Variants in TCF12 observed in about 807,000 individuals in gnomAD.
TCF12 encodes the protein DNA-binding protein HTF4.
TCF12 carries 45 observed loss-of-function variants against 86.0 expected under a neutral mutation model. The observed-to-expected ratio is 0.52, with a 90% CI of 0.41 to 0.67. The LOEUF is 0.67. TCF12 is among the 30% of genes least tolerant of loss of function. TCF12 has a pLI of 0.00. For missense variants in TCF12, 881 were observed against 859.9 expected, an observed-to-expected ratio of 1.02 and a Z score of -0.31; for synonymous variants, 330 against 299.6, an observed-to-expected ratio of 1.10 and a Z score of -1.05.
At chr15:57,274,600 A>C (rs1263507478) in intron 19 of TCF12, among the ~76,000 whole-genome samples, 1 of 151,860 alleles carries the variant, frequency 6.6e-6, no homozygotes, top group Non-Finnish European at 1.5e-5. Flanking sequence ...TTTTTTCTTG[A>C]ATTGTGTCTG....
At chr15:57,182,906 T>C (rs1275714159) in intron 6 of TCF12, among the ~76,000 whole-genome samples, 1 of 152,188 alleles carries the variant, frequency 6.6e-6, no homozygotes, top group Admixed American at 6.5e-5. Context: ...TTACATGTTT[T>C]CAAGTTAACA....
intron 3 of TCF12, among the ~76,000 whole-genome samples, chr15:57,007,897 CCTTCCTTCCTTCCTTCCTCT>C (rs2064549672): frequency 1.3e-5 from 1 of 78,654 alleles, no homozygotes; most frequent in Non-Finnish European, 2.5e-5. Context: ...TTCCTTCCTT[CCTTCCTTCCTTCCTTCCTCT>C]TTCTTTGTTT....
At chr15:57,063,149 T>A (rs2068591210) in intron 3 of TCF12, among the ~76,000 whole-genome samples, 1 of 152,222 alleles carries the variant, frequency 6.6e-6, no homozygotes, top group Admixed American at 6.5e-5. Context: ...GAAATCAAAT[T>A]GTGTATAATT....
rs1303724420 is a variant in TCF12 at position 57,063,731 on chromosome 15, T to G, written c.149-19T>G. The G allele has an allele frequency of 6.3e-7, 1 of 1,588,160 alleles. No homozygotes were observed. The highest frequency in any genetic ancestry group is 8.6e-7 in the Non-Finnish European group (1 of 1,160,458). On this transcript the variant is annotated intron_variant, in intron 3 of 20. Transcript: ENST00000333725. ...AAAGTATGTTTTTAGATATATCTTT[T>G]ATTTTCTTCTCTTTTTAGGTATTGA...
rs562156544 is a variant in TCF12, at chr15:57,134,697, G to A, written c.326-31705G>A. ...TGCCAGAAATGGCTTATATGAATCA[G>A]ATACAATTAAGACTTCAAGATTTAA... is the stretch of plus-strand genomic sequence containing the variant. On this transcript the variant is annotated intron_variant, in intron 5 of 20. Transcript: ENST00000333725. 2.0e-5 allele frequency among the ~76,000 whole-genome samples: 3 copies of A among 152,162 alleles called. No individual in the cohort carries two copies. The East Asian group carries it at 5.8e-4, about 29-fold the overall frequency.
In TCF12 at chr15:57,272,743, G is replaced by A. The variant is rs867721899; in HGVS notation, c.1746-287G>A. ...CAAGGTGCTAAAATATTATGTAGTT[G>A]TTGATCTTATATTTATGAAGAGTTT... On this transcript the variant is annotated intron_variant, in intron 18 of 20. Coordinates refer to ENST00000333725, the MANE Select transcript of TCF12 (RefSeq NM_207037.2). Among the ~76,000 whole-genome samples, 17 of 152,288 alleles carry A rather than the reference G, an allele frequency of 1.1e-4. No individual in the cohort carries two copies. The Middle Eastern group carries it at 0.014, about 122-fold the overall frequency.
intron 5 of TCF12, among the ~76,000 whole-genome samples, chr15:57,137,771 G>A (rs1183611465): frequency 2.0e-5 from 3 of 152,160 alleles, no homozygotes; most frequent in Admixed American, 6.5e-5. Flanking sequence ...GCTCATGCCC[G>A]TAATCCCAGC....
chr15:57,208,322 G>A (rs1220494172), intron 8 of TCF12, among the ~76,000 whole-genome samples: 6 of 149,508 alleles, frequency 4.0e-5, no homozygotes, highest in East Asian at 2.0e-4. Flanking sequence ...GTGAGCCACC[G>A]CCCCTGGCCA....
At chr15:57,158,188 CT>C (rs1187472686) in intron 5 of TCF12, among the ~76,000 whole-genome samples, 22 of 139,264 alleles carry the variant, frequency 1.6e-4, no homozygotes, top group Admixed American at 2.8e-4. Context: ...AAAGTCGTTT[CT>C]TTTTTTTTTT....
intron 3 of TCF12, among the ~76,000 whole-genome samples, chr15:56,976,884 C>G (rs1474072683): frequency 6.6e-6 from 1 of 152,046 alleles, no homozygotes; most frequent in African/African-American, 2.4e-5. Context: ...TTTCTTCCTC[C>G]CTCCACAAAA....
intron 3 of TCF12, among the ~76,000 whole-genome samples, chr15:56,938,769 T>C (rs968087355): frequency 2.0e-5 from 3 of 151,660 alleles, no homozygotes; most frequent in Admixed American, 6.6e-5. Context: ...CCTATCTCCA[T>C]TGGGGATCCA....
chr15:57,234,567 G>A lies in TCF12; in HGVS notation c.1035+460G>A, dbSNP rs144807139. On this transcript the variant is annotated intron_variant, in intron 12 of 20. Coordinates refer to ENST00000333725, the MANE Select transcript of TCF12 (RefSeq NM_207037.2). ...AAATGAGAGCCTTCTCCCCAAAAAA[G>A]CCAGATTCATTGAAGAATCATGTTA... 2.5e-3 allele frequency among the ~76,000 whole-genome samples: 378 copies of A among 152,152 alleles called. 1 individual carries two copies. Among genetic ancestry groups the A allele is most frequent in the Middle Eastern group, 0.01 (3 of 294 alleles).
chr15:57,187,758 C>T (rs150665077), intron 6 of TCF12, among the ~76,000 whole-genome samples: 1,753 of 152,010 alleles, frequency 0.012, 29 homozygotes, highest in African/African-American at 0.039. Flanking sequence ...GGTGAAACCC[C>T]ATCTCTATGA....
intron 13 of TCF12, chr15:57,251,105 A>G (rs187538600): frequency 7.7e-4 from 303 of 395,848 alleles, no homozygotes; most frequent in Non-Finnish European, 2.7e-4. Context: ...GTGCAAACAT[A>G]AAGGTAGCTG....
chr15:57,164,661 C>T (rs2054740469), intron 5 of TCF12, among the ~76,000 whole-genome samples: 1 of 151,962 alleles, frequency 6.6e-6, no homozygotes. Flanking sequence ...TGGGTATAGT[C>T]ACAATAAGAA....
At chr15:57,087,916 G>C (rs568255600) in intron 4 of TCF12, among the ~76,000 whole-genome samples, 4 of 152,060 alleles carry the variant, frequency 2.6e-5, no homozygotes, top group Non-Finnish European at 5.9e-5. Context: ...AAAAAATCTC[G>C]TTTATCTTAG....
chr15:56,986,192 C>A (rs1327742605), intron 3 of TCF12, among the ~76,000 whole-genome samples: 2 of 152,064 alleles, frequency 1.3e-5, no homozygotes, highest in East Asian at 1.9e-4. Flanking sequence ...AACCAGCAGT[C>A]TGTGTTGGTT....
intron 16 of TCF12, among the ~76,000 whole-genome samples, chr15:57,257,660 CT>C (rs1197563374): frequency 4.7e-3 from 18 of 3,804 alleles, no homozygotes; most frequent in African/African-American, 0.011. Context: ...GACCCTGTCT[CT>C]TAAAAAAAAA....
downstream of TCF12, chr15:57,290,955 C>T (rs1350802240): frequency 2.0e-5 from 3 of 152,134 alleles, no homozygotes; most frequent in Admixed American, 2.0e-4. Context: ...TCTCATTGGG[C>T]CAATGAGTCT....
Sources: gnomAD v4.1 joint callset for allele counts (sites outside exome capture counted in the v4.1 genomes callset) on GRCh38, gnomAD v4.1.1 for gene constraint, MANE v1.5 for transcripts, NCBI Gene and HGNC (gene_info 2026-07-23, HGNC 2026-07-21) for gene names.